The following HS3ST4 variants were observed in gnomAD, a reference collection of about 807,000 sequenced individuals.
HS3ST4 encodes heparan sulfate-glucosamine 3-sulfotransferase 4.
In HS3ST4, 17 loss-of-function variants were observed where a neutral mutation model predicts 29.2. The observed-to-expected ratio is 0.58, with a 90% CI of 0.40 to 0.87. The LOEUF (loss-of-function observed/expected upper bound fraction) is 0.87, where lower values mean the gene tolerates loss of function less well. Ranked by LOEUF, HS3ST4 falls within the 40% of genes least tolerant of loss-of-function variation. The probability of loss-of-function intolerance (pLI) is 0.00; values close to 1 mark genes in which losing one functional copy is unlikely to be tolerated. For synonymous variants in HS3ST4, 314 were observed against 285.7 expected, an observed-to-expected ratio of 1.10 and a Z score of -1.00; for missense variants, 627 against 634.5, an observed-to-expected ratio of 0.99 and a Z score of 0.13.
intron 1 of HS3ST4, among the ~76,000 whole-genome samples, chr16:25,948,140 C>T (rs1050029568): frequency 3.9e-5 from 6 of 152,156 alleles, no homozygotes; most frequent in African/African-American, 1.2e-4. Context: ...CTCCGACAGT[C>T]TCAAGGTCTC....
At position 25,821,054 on chromosome 16, in the gene HS3ST4, T is replaced by A. The variant is rs78608806; in HGVS notation, c.734+127903T>A. 2.6e-3 allele frequency among the ~76,000 whole-genome samples: 390 copies of A among 151,332 alleles called. 6 individuals are homozygous for A. Among genetic ancestry groups the A allele is most frequent in the African/African-American group, 9.1e-3 (373 of 41,018 alleles). ...AGACATTGACATTCATTTGCGCCTT[T>A]GAATTTTTTTTTTTTTTTTTTTTGA... On this transcript the variant is annotated intron_variant, in intron 1 of 1. Transcript: ENST00000331351.
At chr16:25,868,609 A>T (rs1378581045) in intron 1 of HS3ST4, among the ~76,000 whole-genome samples, 2 of 152,236 alleles carry the variant, frequency 1.3e-5, no homozygotes, top group African/African-American at 4.8e-5. Context: ...AAGGTTCACC[A>T]TGCAAGCAAA....
chr16:26,020,075 C>T (rs564399990), intron 1 of HS3ST4, among the ~76,000 whole-genome samples: 85 of 152,280 alleles, frequency 5.6e-4, no homozygotes, highest in African/African-American at 1.9e-3. Flanking sequence ...CAAATACACT[C>T]GGATCCCACC....
chr16:25,832,969 G>T (rs141296144), intron 1 of HS3ST4, among the ~76,000 whole-genome samples: 1 of 152,152 alleles, frequency 6.6e-6, no homozygotes, highest in Non-Finnish European at 1.5e-5. Flanking sequence ...GGCTAAGTTC[G>T]CATCCTTTAT....
chr16:25,760,762 G>C (rs1328946175), intron 1 of HS3ST4, among the ~76,000 whole-genome samples: 1 of 152,138 alleles, frequency 6.6e-6, no homozygotes, highest in Non-Finnish European at 1.5e-5. Context: ...CAAAGGTACT[G>C]TCTCTAAATA....
intron 1 of HS3ST4, among the ~76,000 whole-genome samples, chr16:26,046,529 A>C (rs1318245979): frequency 6.6e-6 from 1 of 151,640 alleles, no homozygotes; most frequent in Non-Finnish European, 1.5e-5. Flanking sequence ...TTCTTTATTT[A>C]CCTGTGGACC....
rs566185300 is a variant in HS3ST4, at chr16:26,134,519, T to G, written c.735-1093T>G. Among the ~76,000 whole-genome samples, 8 of 152,036 alleles carry G rather than the reference T, an allele frequency of 5.3e-5. No homozygotes were observed. In the South Asian group the frequency reaches 6.2e-4, roughly 12 times the overall value. ...CTGGGACTGCAGGCGCGTGCCACCA[T>G]GCCCGGCTAATTTTTGTATTTTAGT... is the stretch of plus-strand genomic sequence containing the variant. On this transcript the variant is annotated intron_variant, in intron 1 of 1. Coordinates refer to ENST00000331351, the MANE Select transcript of HS3ST4 (RefSeq NM_006040.3).
chr16:25,780,070 A>G (rs1283483137), intron 1 of HS3ST4, among the ~76,000 whole-genome samples: 1 of 152,066 alleles, frequency 6.6e-6, no homozygotes, highest in Non-Finnish European at 1.5e-5. Context: ...TCATGGATTT[A>G]TTGTTTATTC....
intron 1 of HS3ST4, among the ~76,000 whole-genome samples, chr16:25,902,866 C>T (rs150141891): frequency 2.0e-5 from 3 of 151,944 alleles, no homozygotes; most frequent in East Asian, 1.9e-4. Context: ...AGGAGGCTGA[C>T]GCAGATGGAT....
intron 1 of HS3ST4, among the ~76,000 whole-genome samples, chr16:26,054,734 A>C (rs554729844): frequency 1.3e-5 from 2 of 152,060 alleles, no homozygotes; most frequent in Admixed American, 1.3e-4. Context: ...GATTGTGGCT[A>C]TGGGTTCCAC....
At chr16:25,728,784 T>G (rs571261339) in intron 1 of HS3ST4, among the ~76,000 whole-genome samples, 1 of 152,220 alleles carries the variant, frequency 6.6e-6, no homozygotes, top group Non-Finnish European at 1.5e-5. Flanking sequence ...GTAACACCCT[T>G]AAAAAGTTTT....
At chr16:25,983,926 C>T in intron 1 of HS3ST4, among the ~76,000 whole-genome samples, 1 of 151,714 alleles carries the variant, frequency 6.6e-6, no homozygotes, top group Non-Finnish European at 1.5e-5. Context: ...GTGTCTATTT[C>T]AGTTTATTTT....
chr16:25,717,510 G>GGGGTGTGTGTGT (rs1305361400), intron 1 of HS3ST4, among the ~76,000 whole-genome samples: 4 of 132,830 alleles, frequency 3.0e-5, no homozygotes, highest in African/African-American at 1.1e-4. Context: ...AAGGTGAAGG[G>GGGGTGTGTGTGT]GTGTGTGTGT....
At chr16:25,918,935 G>A (rs1205373787) in intron 1 of HS3ST4, among the ~76,000 whole-genome samples, 2 of 152,196 alleles carry the variant, frequency 1.3e-5, no homozygotes, top group African/African-American at 2.4e-5. Flanking sequence ...ATGACAGACT[G>A]TCACCCTGTG....
chr16:26,085,692 G>A (rs1189375214), intron 1 of HS3ST4, among the ~76,000 whole-genome samples: 3 of 152,016 alleles, frequency 2.0e-5, no homozygotes, highest in African/African-American at 7.2e-5. Context: ...GCAACATAGC[G>A]AGACCCTGTC....
chr16:26,034,487 G>A (rs974386191), intron 1 of HS3ST4, among the ~76,000 whole-genome samples: 1 of 152,188 alleles, frequency 6.6e-6, no homozygotes, highest in Admixed American at 6.5e-5. Context: ...AGAGAAAGTC[G>A]GCTTTCCCTT....
At chr16:25,964,863 T>A (rs1191360701) in intron 1 of HS3ST4, among the ~76,000 whole-genome samples, 1 of 152,192 alleles carries the variant, frequency 6.6e-6, no homozygotes, top group Non-Finnish European at 1.5e-5. Context: ...ATATAATGAT[T>A]AAGTGATGTT....
At chr16:25,984,776 G>A (rs547686667) in intron 1 of HS3ST4, among the ~76,000 whole-genome samples, 75 of 152,266 alleles carry the variant, frequency 4.9e-4, no homozygotes, top group African/African-American at 1.8e-3. Flanking sequence ...ATTCCATTGT[G>A]TATATACACC....
chr16:25,828,309 T>TTTATTTCTTC (rs1183012834), intron 1 of HS3ST4, among the ~76,000 whole-genome samples: 1 of 106,334 alleles, frequency 9.4e-6, no homozygotes, highest in Admixed American at 9.6e-5. Flanking sequence ...TCCCTCTCTC[T>TTTATTTCTTC]CTCTCTCTCT....
Sources: gnomAD v4.1 joint callset for allele counts (sites outside exome capture counted in the v4.1 genomes callset) on GRCh38, gnomAD v4.1.1 for gene constraint, MANE v1.5 for transcripts, NCBI Gene and HGNC (gene_info 2026-07-23, HGNC 2026-07-21) for gene names.